Variants in MAP1B observed in about 807,000 individuals in gnomAD.
MAP1B encodes microtubule-associated protein 1B.
Under a neutral mutation model 176.1 loss-of-function variants are expected in MAP1B, and 12 were observed. The ratio of observed to expected loss-of-function variants is 0.07; its 90% CI spans 0.04 to 0.11. MAP1B has a LOEUF of 0.11. MAP1B is among the 10% of genes least tolerant of loss of function. The probability of loss-of-function intolerance (pLI) is 1.00; values close to 1 mark genes in which losing one functional copy is unlikely to be tolerated. For missense variants in MAP1B, 2,523 were observed against 2,990.5 expected (o/e 0.84, Z 3.65); for synonymous variants, 1,044 against 1,135.0 (o/e 0.92, Z 1.61).
At chr5:72,153,915 C>A (rs935372394) in intron 2 of MAP1B, among the ~76,000 whole-genome samples, 31 of 152,098 alleles carry the variant, frequency 2.0e-4, no homozygotes, top group African/African-American at 7.5e-4. Context: ...AAAAAAAAAT[C>A]TCTTTTCCCT....
chr5:72,183,684 C>A, intron 2 of MAP1B, 59 bp from the exon 3 acceptor site: 1 of 1,271,190 alleles, frequency 7.9e-7, no homozygotes, highest in Non-Finnish European at 1.1e-6. Flanking sequence ...GCAGGCAGGG[C>A]AGTTTTTATC....
intron 2 of MAP1B, among the ~76,000 whole-genome samples, chr5:72,154,087 T>C (rs573713840): frequency 1.3e-5 from 2 of 152,232 alleles, no homozygotes; most frequent in African/African-American, 2.4e-5. Context: ...TAAAGTAATA[T>C]TATTTTTTTA....
chr5:72,122,803 A>C (rs1001019708), intron 2 of MAP1B, among the ~76,000 whole-genome samples: 2 of 150,558 alleles, frequency 1.3e-5, no homozygotes, highest in Admixed American at 1.3e-4. Flanking sequence ...CCATTTTAGG[A>C]GATGTCAATA....
intron 2 of MAP1B, among the ~76,000 whole-genome samples, chr5:72,172,407 G>T (rs778218615): frequency 6.6e-6 from 1 of 152,108 alleles, no homozygotes; most frequent in Non-Finnish European, 1.5e-5. Context: ...GTGTTATGTC[G>T]GCCATTTGCA....
Position 72,195,336 on chromosome 5 carries a change from G to T in MAP1B, c.1981G>T (p.Ala661Ser), listed in dbSNP as rs200534593. The change falls in exon 5 of 7, where the codon GCT (alanine) becomes TCT (serine). Residue 661 changes from alanine (A) to serine (S), a missense_variant. Physicochemically the swap from Ala to Ser is moderately conservative, Grantham distance 99. Around this residue, in one of 4 missense-constraint regions of MAP1B, gnomAD observed 1,925 missense variants for 2,126.0 expected, o/e 0.91. Transcript: ENST00000296755. Reference sequence around the variant, plus strand: ...GAAAGAAAAGCCAAAGAAAGAAGTGGCTAAAAAGGAGGACAAAACACCTAT... The same window carrying T: ...GAAAGAAAAGCCAAAGAAAGAAGTGTCTAAAAAGGAGGACAAAACACCTAT... ...EEKEKPKKEV[A>S]KKEDKTPIKK... 2.5e-5 allele frequency: 40 copies of T among 1,601,686 alleles called. No homozygotes were observed. In the African/African-American group the frequency reaches 5.0e-4, roughly 20 times the overall value.
Position 72,115,723 on chromosome 5 carries a change from G to T in MAP1B, c.210G>T (p.Leu70=), listed in dbSNP as rs1156692459. 3.1e-6 allele frequency: 5 copies of T among 1,613,080 alleles called. No individual in the cohort carries two copies. Among genetic ancestry groups the T allele is most frequent in the Admixed American group, 1.7e-5 (1 of 59,996 alleles). ...ELGIRSWDTN[L]IECNLDQELK... Reference sequence around the variant, plus strand: ...GAATCCGATCATGGGACACAAACCTGATTGAATGCAACTTGGACCAAGAAC... The same window carrying T: ...GAATCCGATCATGGGACACAAACCTTATTGAATGCAACTTGGACCAAGAAC... Residue 70 remains leucine, a synonymous_variant, in exon 2 of 7, where the codon CTG becomes CTT. Coordinates refer to ENST00000296755, the MANE Select transcript of MAP1B (RefSeq NM_005909.5).
intron 2 of MAP1B, among the ~76,000 whole-genome samples, chr5:72,147,336 A>G (rs528974620): frequency 1.2e-4 from 19 of 152,254 alleles, no homozygotes; most frequent in Admixed American, 5.9e-4. Context: ...TTCTCGGTAA[A>G]GCTGAATCAG....
chr5:72,139,482 GCC>G (rs1745901977), intron 2 of MAP1B, among the ~76,000 whole-genome samples: 1 of 152,200 alleles, frequency 6.6e-6, no homozygotes, highest in African/African-American at 2.4e-5. Flanking sequence ...GCACTTTCTA[GCC>G]CTGCAAGGTA....
chr5:72,155,431 G>A (rs548084812), intron 2 of MAP1B, among the ~76,000 whole-genome samples: 15 of 152,264 alleles, frequency 9.9e-5, no homozygotes, highest in African/African-American at 2.6e-4. Context: ...ATGTATTCCC[G>A]TCCCTGGAAG....
intron 5 of MAP1B, 43 bp from the exon 6 acceptor site, chr5:72,203,520 C>T: frequency 7.0e-7 from 1 of 1,421,924 alleles, no homozygotes; most frequent in Non-Finnish European, 9.9e-7. Context: ...ATGGTCTCTT[C>T]ACCTTGCTAT....
chr5:72,186,536 C>T lies in MAP1B; in HGVS notation c.370-78C>T, dbSNP rs1051840144. 19 of 1,541,816 alleles carry T rather than the reference C, an allele frequency of 1.2e-5. No homozygotes were observed. Among genetic ancestry groups the T allele is most frequent in the Admixed American group, 9.3e-5 (5 of 53,522 alleles). ...TGCTGGTAATAAACTCCCATGGCTCCGAAGGCTAGCCCTGTCCTGAAGGTG... is the reference window on the plus strand; with the variant it reads ...TGCTGGTAATAAACTCCCATGGCTCTGAAGGCTAGCCCTGTCCTGAAGGTG... On this transcript the variant is annotated intron_variant, in intron 3 of 6. Transcript: ENST00000296755. The surrounding 1 kb of genome is among the most constrained non-coding windows in gnomAD (Gnocchi z 4.3).
intron 1 of MAP1B, among the ~76,000 whole-genome samples, chr5:72,107,961 G>A (rs976691133): frequency 1.3e-4 from 20 of 152,242 alleles, no homozygotes; most frequent in African/African-American, 4.8e-4. Context: ...TCCGCAGCCT[G>A]TGCTGAGTTG....
chr5:72,185,779 T>G (rs1036668270), intron 3 of MAP1B, among the ~76,000 whole-genome samples: 1 of 152,128 alleles, frequency 6.6e-6, no homozygotes, highest in Non-Finnish European at 1.5e-5. Flanking sequence ...GATTACACTG[T>G]GGGGTTCTTG....
chr5:72,124,729 G>A (rs1416641490), intron 2 of MAP1B, among the ~76,000 whole-genome samples: 2 of 152,192 alleles, frequency 1.3e-5, no homozygotes, highest in Admixed American at 6.5e-5. Context: ...GTTTTCAATG[G>A]GAGCTGTGAG....
rs200610946 is a variant in MAP1B at position 72,197,200 on chromosome 5, C to T, written c.3845C>T (p.Thr1282Met). The change falls in exon 5 of 7, where the codon ACG becomes ATG. Residue 1282 changes from threonine to methionine, a missense_variant. Around this residue, in one of 4 missense-constraint regions of MAP1B, gnomAD observed 1,925 missense variants for 2,126.0 expected, o/e 0.91. Coordinates refer to ENST00000296755, the MANE Select transcript of MAP1B (RefSeq NM_005909.5). Reference protein sequence around the residue: ...LGERSVNFSLTPNEIKVSAEA... With the variant: ...LGERSVNFSLMPNEIKVSAEA... ...GAACGTAGTGTGAACTTCTCTCTGA[C>T]GCCCAATGAGATTAAAGTCTCTGCA... 302 of 1,614,048 alleles carry T rather than the reference C, an allele frequency of 1.9e-4. No individual in the cohort carries two copies. Among genetic ancestry groups the T allele is most frequent in the Admixed American group, 5.2e-4 (31 of 59,998 alleles).
Position 72,194,658 on chromosome 5 carries a change from C to A in MAP1B, c.1303C>A (p.Gln435Lys). The A allele has an allele frequency of 6.2e-7, 1 of 1,614,130 alleles. No homozygotes were observed. Reference sequence around the variant, plus strand: ...TCCAGTCAAGAGCAGCAAGGAAATGCAGTATTTTATGCAGCAGTGGACTGG... The same window carrying A: ...TCCAGTCAAGAGCAGCAAGGAAATGAAGTATTTTATGCAGCAGTGGACTGG... ...LNPVKSSKEM[Q>K]YFMQQWTGTN... The change falls in exon 5 of 7, where the codon CAG becomes AAG. Residue 435 changes from glutamine to lysine, a missense_variant. By Grantham distance (53) the Gln-to-Lys change is moderately conservative. This residue lies in a region of MAP1B where 1,925 missense variants were observed against 2,126.0 expected (regional missense o/e 0.91). Transcript: ENST00000296755. This position sits in a 1 kb window ranked among gnomAD's most constrained non-coding sequence, Gnocchi z 7.2.
At chr5:72,125,721 A>T (rs796473705) in intron 2 of MAP1B, among the ~76,000 whole-genome samples, 3 of 152,028 alleles carry the variant, frequency 2.0e-5, no homozygotes, top group Non-Finnish European at 2.9e-5. Flanking sequence ...AATATTATCC[A>T]TGCAAATTGG....
At chr5:72,130,098 C>T (rs113342595) in intron 2 of MAP1B, among the ~76,000 whole-genome samples, 2,164 of 149,896 alleles carry the variant, frequency 0.014, 57 homozygotes, top group African/African-American at 0.05. Context: ...AAATTTGAAG[C>T]TAGTTACAAA....
At chr5:72,125,664 T>A (rs1341313726) in intron 2 of MAP1B, among the ~76,000 whole-genome samples, 1 of 152,194 alleles carries the variant, frequency 6.6e-6, no homozygotes, top group Non-Finnish European at 1.5e-5. Flanking sequence ...TTCTATTTGT[T>A]CAGGCTATTT....
Sources: gnomAD v4.1 joint callset for allele counts (sites outside exome capture counted in the v4.1 genomes callset) on GRCh38, gnomAD v4.1.1 for gene constraint, gnomAD v4.1.1 regional missense constraint, Gnocchi (gnomAD v3.1) non-coding constraint, MANE v1.5 for transcripts, NCBI Gene and HGNC (gene_info 2026-07-23, HGNC 2026-07-21) for gene names.